TNIK: variants seen among roughly 807,000 people sequenced by gnomAD.
TNIK encodes the protein TRAF2 and NCK-interacting protein kinase.
TNIK carries 49 observed loss-of-function variants against 191.3 expected under a neutral mutation model. The ratio of observed to expected loss-of-function variants is 0.26; its 90% CI spans 0.20 to 0.32. The LOEUF (loss-of-function observed/expected upper bound fraction) is 0.32, where lower values mean the gene tolerates loss of function less well. Among genes scored for constraint, TNIK ranks in the 10% least tolerant of loss-of-function variants. The probability of loss-of-function intolerance (pLI) is 1.00; values close to 1 mark genes in which losing one functional copy is unlikely to be tolerated. For synonymous variants in TNIK, 594 were observed against 600.9 expected (o/e 0.99, Z 0.17); for missense variants, 1,155 against 1,702.3 (o/e 0.68, Z 5.66).
chr3:171,346,833 TAAG>T lies in TNIK; in HGVS notation c.123+22784_123+22786del, dbSNP rs1235202591. On this transcript the variant is annotated intron_variant, in intron 2 of 32. Transcript: ENST00000436636. Reference sequence around the variant, plus strand: ...CCCAGAGAGTGAGAAAGAACAGCACTAAGAAGAAGGTTGTGTTCAGATCATCCT... The same window carrying T: ...CCCAGAGAGTGAGAAAGAACAGCACTAAGAAGGTTGTGTTCAGATCATCCT... 2.4e-5 allele frequency: 5 copies of T among 210,794 alleles called. No individual in the cohort carries two copies. The East Asian group carries it at 3.4e-4, about 14-fold the overall frequency. The allele number at this position is 210,794 out of a possible 1,614,324, so 13.1% of individuals were successfully genotyped here. A position where few individuals can be genotyped will look rare whatever the true frequency, so the allele number is the denominator to read the frequency against.
chr3:171,361,904 A>G (rs941408037), intron 2 of TNIK, among the ~76,000 whole-genome samples: 1 of 152,196 alleles, frequency 6.6e-6, no homozygotes, highest in Non-Finnish European at 1.5e-5. Context: ...ACAGATGAGA[A>G]CAACTGAAGT....
intron 2 of TNIK, among the ~76,000 whole-genome samples, chr3:171,253,052 G>A (rs969833102): frequency 2.6e-5 from 4 of 151,854 alleles, no homozygotes; most frequent in South Asian, 2.1e-4. Flanking sequence ...CGAGGCGAGT[G>A]GATCACGAGG....
chr3:171,107,592 C>G (rs555309794), intron 20 of TNIK, among the ~76,000 whole-genome samples: 1 of 152,122 alleles, frequency 6.6e-6, no homozygotes, highest in Non-Finnish European at 1.5e-5. Flanking sequence ...TAAGTTGTTA[C>G]GACGCCTGTT....
At chr3:171,128,668 T>C (rs1255799211) in intron 16 of TNIK, 46 bp downstream of exon 16, 3 of 1,565,096 alleles carry the variant, frequency 1.9e-6, no homozygotes, top group Admixed American at 1.8e-5. Flanking sequence ...ATAGGTTTTC[T>C]TGTGCAACTT....
chr3:171,121,784 C>T (rs996095626), intron 18 of TNIK, among the ~76,000 whole-genome samples: 8 of 152,318 alleles, frequency 5.3e-5, no homozygotes, highest in South Asian at 2.1e-4. Flanking sequence ...AACCGCAAAT[C>T]TGATTTACAC....
At chr3:171,380,705 G>GC (rs34315562) in intron 1 of TNIK, among the ~76,000 whole-genome samples, 59,556 of 152,180 alleles carry the variant, frequency 0.39, 13,506 homozygotes, top group East Asian at 0.91. Context: ...TTCCTTCTTT[G>GC]CCCTTTGCAG....
chr3:171,305,157 C>T (rs1753318832), intron 2 of TNIK, among the ~76,000 whole-genome samples: 1 of 151,852 alleles, frequency 6.6e-6, no homozygotes, highest in African/African-American at 2.4e-5. Flanking sequence ...GCACTAGTCA[C>T]TTAGAGAGCT....
At position 171,068,952 on chromosome 3, in the gene TNIK, C is replaced by T. The variant is rs1718823183; in HGVS notation, c.3595G>A (p.Val1199Ile). The change falls in exon 30 of 33, where the codon GTA (valine) becomes ATA (isoleucine). Residue 1199 changes from valine to isoleucine, a missense_variant. By Grantham distance (29) the Val-to-Ile change is conservative. Coordinates refer to ENST00000436636, the MANE Select transcript of TNIK (RefSeq NM_015028.4). ...ACCTTTAATCTTTGACCTTCTTCTA[C>T]CGTGAGATCAACTAGCAGAGGCTTG... is the stretch of plus-strand genomic sequence containing the variant. ...QHKPLLVDLT[V>I]EEGQRLKVIF... is the part of the protein sequence containing the mutation. The T allele has an allele frequency of 1.2e-6, 2 of 1,613,734 alleles. No homozygotes were observed. The highest frequency in any genetic ancestry group is 1.7e-6 in the Non-Finnish European group (2 of 1,179,772).
intron 2 of TNIK, among the ~76,000 whole-genome samples, chr3:171,265,109 C>A (rs1239533084): frequency 6.6e-6 from 1 of 152,160 alleles, no homozygotes; most frequent in African/African-American, 2.4e-5. Flanking sequence ...ATTTCTCATG[C>A]AATTTGAGAA....
chr3:171,439,786 G>A (rs145255548), intron 1 of TNIK, among the ~76,000 whole-genome samples: 41 of 152,210 alleles, frequency 2.7e-4, no homozygotes, highest in Admixed American at 4.6e-4. Flanking sequence ...CAAATTCCTC[G>A]CTGAAAGTCT....
At chr3:171,079,156 T>C (rs941265536) in intron 28 of TNIK, among the ~76,000 whole-genome samples, 1 of 152,226 alleles carries the variant, frequency 6.6e-6, no homozygotes, top group Non-Finnish European at 1.5e-5. Flanking sequence ...CCTGGTATTC[T>C]AGGTCTTTTT....
intron 7 of TNIK, among the ~76,000 whole-genome samples, chr3:171,180,565 T>C (rs1007246394): frequency 6.6e-6 from 1 of 152,200 alleles, no homozygotes; most frequent in Non-Finnish European, 1.5e-5. Context: ...TAAATATTTA[T>C]TGAATGAATG....
At chr3:171,395,132 A>C (rs944260848) in intron 1 of TNIK, among the ~76,000 whole-genome samples, 2 of 152,222 alleles carry the variant, frequency 1.3e-5, no homozygotes, top group African/African-American at 4.8e-5. Context: ...AAGTTTATCA[A>C]AGGGAGATAT....
chr3:171,059,619 CA>C lies in TNIK; in HGVS notation c.*4261del, dbSNP rs547492537. Among the ~76,000 whole-genome samples, 12 of 152,192 alleles carry C rather than the reference CA, an allele frequency of 7.9e-5. No individual in the cohort carries two copies. In the South Asian group the frequency reaches 2.5e-3, roughly 32 times the overall value. ...CCTGAAAAGTGATCAATTTTACACCCAATTTATTTAAGATCCATGAAAGGAC... is the reference window on the plus strand; with the variant it reads ...CCTGAAAAGTGATCAATTTTACACCCATTTATTTAAGATCCATGAAAGGAC... On this transcript the variant is annotated 3_prime_UTR_variant, in exon 33 of 33. Coordinates refer to ENST00000436636, the MANE Select transcript of TNIK (RefSeq NM_015028.4).
intron 1 of TNIK, among the ~76,000 whole-genome samples, chr3:171,448,897 C>T (rs1362160019): frequency 3.3e-5 from 5 of 152,072 alleles, no homozygotes; most frequent in Non-Finnish European, 2.9e-5. Flanking sequence ...TGCTATCCCT[C>T]CCCTAGCCCC....
intron 24 of TNIK, among the ~76,000 whole-genome samples, chr3:171,085,992 G>A (rs927462444): frequency 2.6e-5 from 4 of 152,150 alleles, no homozygotes; most frequent in Non-Finnish European, 2.9e-5. Context: ...AGGGTTTTAT[G>A]TCACAATATT....
At position 171,105,950 on chromosome 3, in the gene TNIK, A is replaced by G. The variant is rs537328728; in HGVS notation, c.2406+1233T>C. On this transcript the variant is annotated intron_variant, in intron 21 of 32. Transcript: ENST00000436636. The stretch of plus-strand genomic sequence containing the variant: ...AGAGGGGCAAGCAAGGCCACGGCAC[A>G]GAGCAATTAAAAACACACTCTCCTC... 1.2e-4 allele frequency among the ~76,000 whole-genome samples: 18 copies of G among 152,336 alleles called. No individual in the cohort carries two copies. The East Asian group carries it at 1.9e-3, about 16-fold the overall frequency.
chr3:171,108,125 A>G lies in TNIK; in HGVS notation c.2322T>C (p.His774=). The G allele has an allele frequency of 1.3e-6, 2 of 1,576,908 alleles. No individual in the cohort carries two copies. The highest frequency in any genetic ancestry group is 1.7e-6 in the Non-Finnish European group (2 of 1,160,210). Residue 774 remains histidine (H), a synonymous_variant, in exon 20 of 33, where the codon CAT becomes CAC. Coordinates refer to ENST00000436636, the MANE Select transcript of TNIK (RefSeq NM_015028.4). The part of the protein sequence containing the change: ...SKSEGSPVLP[H]EPAKVKPEES... Reference sequence around the variant, plus strand: ...CTTCTGGTTTCACCTTCGCAGGCTCATGGGGGAGCACAGGTGATCCTTCTG... The same window carrying G: ...CTTCTGGTTTCACCTTCGCAGGCTCGTGGGGGAGCACAGGTGATCCTTCTG...
intron 2 of TNIK, among the ~76,000 whole-genome samples, chr3:171,323,356 C>G (rs78227058): frequency 6.6e-6 from 1 of 152,134 alleles, no homozygotes; most frequent in African/African-American, 2.4e-5. Context: ...AGGTAACTTA[C>G]GTATGCCCCT....
Sources: gnomAD v4.1 joint callset for allele counts (sites outside exome capture counted in the v4.1 genomes callset) on GRCh38, gnomAD v4.1.1 for gene constraint, MANE v1.5 for transcripts, NCBI Gene and HGNC (gene_info 2026-07-23, HGNC 2026-07-21) for gene names.